Variants in ERBB4 observed in about 807,000 individuals in gnomAD.
ERBB4 encodes the protein receptor tyrosine-protein kinase erbB-4.
In ERBB4, 42 loss-of-function variants were observed where a neutral mutation model predicts 158.0. The observed-to-expected ratio is 0.27, with a 90% CI of 0.21 to 0.34. ERBB4 has a LOEUF of 0.34. ERBB4 is among the 10% of genes least tolerant of loss of function. The probability of loss-of-function intolerance (pLI) is 1.00; values close to 1 mark genes in which losing one functional copy is unlikely to be tolerated. For synonymous variants in ERBB4, 583 were observed against 558.7 expected (o/e 1.04, Z -0.61); for missense variants, 1,333 against 1,624.1 (o/e 0.82, Z 3.08).
At chr2:211,531,313 A>G (rs562092518) in intron 20 of ERBB4, among the ~76,000 whole-genome samples, 1 of 152,278 alleles carries the variant, frequency 6.6e-6, no homozygotes, top group African/African-American at 2.4e-5. Context: ...AAAAGGACAC[A>G]TGGGATCACA....
At chr2:211,540,205 T>TACAC (rs143959149) in intron 20 of ERBB4, among the ~76,000 whole-genome samples, 531 of 147,808 alleles carry the variant, frequency 3.6e-3, no homozygotes, top group Non-Finnish European at 5.7e-3. Context: ...TATATATATA[T>TACAC]ACACACACAC....
At chr2:211,494,876 T>C (rs946426336) in intron 20 of ERBB4, among the ~76,000 whole-genome samples, 2 of 152,160 alleles carry the variant, frequency 1.3e-5, no homozygotes, top group East Asian at 3.8e-4. Context: ...GGAAACGAAC[T>C]GTGTTTCCTA....
At chr2:211,843,086 A>G (rs995517819) in intron 3 of ERBB4, among the ~76,000 whole-genome samples, 1 of 152,176 alleles carries the variant, frequency 6.6e-6, no homozygotes, top group African/African-American at 2.4e-5. Context: ...TTTGACTAAC[A>G]TAAGTTCTAT....
At chr2:212,354,027 GCTGTGTT>G (rs1367727444) in intron 1 of ERBB4, among the ~76,000 whole-genome samples, 1 of 152,096 alleles carries the variant, frequency 6.6e-6, no homozygotes, top group African/African-American at 2.4e-5. Context: ...ATAAACCTGT[GCTGTGTT>G]AAGCTTCTGT....
At chr2:212,497,055 G>C (rs1360972583) in intron 1 of ERBB4, among the ~76,000 whole-genome samples, 2 of 151,508 alleles carry the variant, frequency 1.3e-5, no homozygotes, top group Admixed American at 6.6e-5. Context: ...GCATGCGCCT[G>C]TAATCCCAGC....
At chr2:212,134,419 T>G (rs1439945054) in intron 1 of ERBB4, among the ~76,000 whole-genome samples, 1 of 151,978 alleles carries the variant, frequency 6.6e-6, no homozygotes, top group African/African-American at 2.4e-5. Flanking sequence ...AGTTTAAAAA[T>G]TGAAATGAAT....
intron 3 of ERBB4, among the ~76,000 whole-genome samples, chr2:211,910,442 G>A (rs1294813058): frequency 6.7e-6 from 1 of 149,952 alleles, no homozygotes; most frequent in Non-Finnish European, 1.5e-5. Flanking sequence ...AAAGGAGCTG[G>A]AGGCCATTAT....
intron 2 of ERBB4, among the ~76,000 whole-genome samples, chr2:212,010,428 A>C (rs2076358106): frequency 6.6e-6 from 1 of 152,176 alleles, no homozygotes; most frequent in African/African-American, 2.4e-5. Flanking sequence ...TTTTCTATTA[A>C]GGATTTCAAA....
intron 20 of ERBB4, among the ~76,000 whole-genome samples, chr2:211,523,133 A>G (rs961592473): frequency 1.4e-5 from 2 of 146,716 alleles, no homozygotes; most frequent in Non-Finnish European, 3.0e-5. Context: ...ACAGTACCCC[A>G]CATAGGAACA....
chr2:211,392,594 ACACACACC>A lies in ERBB4; in HGVS notation c.3136-4610_3136-4603del, dbSNP rs1189526129. On this transcript the variant is annotated intron_variant, in intron 25 of 27. Transcript: ENST00000342788. ...CACACACACACACACACACACACACACACACACCCCAATAATGACTCTATGATCCAGTT... is the reference window on the plus strand; with the variant it reads ...CACACACACACACACACACACACACACCAATAATGACTCTATGATCCAGTT... Among the ~76,000 whole-genome samples, 35 of 142,942 alleles carry A rather than the reference ACACACACC, an allele frequency of 2.4e-4. No homozygotes were observed. In the South Asian group the frequency reaches 5.8e-3, roughly 24 times the overall value. The allele number at this position is 142,942 out of a possible 152,430, so 93.8% of individuals were successfully genotyped here.
chr2:212,405,186 C>T lies in ERBB4; in HGVS notation c.82+133263G>A, dbSNP rs138711199. 4.9e-3 allele frequency among the ~76,000 whole-genome samples: 743 copies of T among 151,996 alleles called. 3 individuals are homozygous for T. Among genetic ancestry groups the T allele is most frequent in the African/African-American group, 0.017 (701 of 41,480 alleles). ...TTAAAAATTGGGCAAAGGACATGAA[C>T]AGACACTTTTCAAAAGAAGACATAC... On this transcript the variant is annotated intron_variant, in intron 1 of 27. Transcript: ENST00000342788.
chr2:211,762,741 C>T (rs2075446956), intron 4 of ERBB4, among the ~76,000 whole-genome samples: 1 of 152,162 alleles, frequency 6.6e-6, no homozygotes, highest in South Asian at 2.1e-4. Flanking sequence ...ATTTACTGCT[C>T]TCAAAGGACA....
intron 2 of ERBB4, among the ~76,000 whole-genome samples, chr2:212,091,771 A>AT (rs1348261973): frequency 6.6e-6 from 1 of 152,248 alleles, no homozygotes; most frequent in South Asian, 2.1e-4. Flanking sequence ...TTTTAAAATT[A>AT]TTTTTTGTCT....
At chr2:212,100,700 A>C (rs1026634981) in intron 2 of ERBB4, among the ~76,000 whole-genome samples, 2 of 152,174 alleles carry the variant, frequency 1.3e-5, no homozygotes, top group African/African-American at 4.8e-5. Context: ...GAATGAAATA[A>C]ACGAAGTGAC....
At chr2:212,031,030 T>G (rs573600521) in intron 2 of ERBB4, among the ~76,000 whole-genome samples, 1 of 152,142 alleles carries the variant, frequency 6.6e-6, no homozygotes, top group East Asian at 1.9e-4. Flanking sequence ...TTCTGCCTCA[T>G]GAAACTCACT....
At chr2:212,305,776 A>G (rs1366733572) in intron 1 of ERBB4, among the ~76,000 whole-genome samples, 1 of 151,470 alleles carries the variant, frequency 6.6e-6, no homozygotes, top group Non-Finnish European at 1.5e-5. Flanking sequence ...CAACATTTAC[A>G]TAATTATAGA....
At chr2:211,923,571 C>A (rs1575383317) in intron 3 of ERBB4, among the ~76,000 whole-genome samples, 1 of 152,018 alleles carries the variant, frequency 6.6e-6, no homozygotes, top group African/African-American at 2.4e-5. Flanking sequence ...CCTTGTGCTG[C>A]CTTGCTGAGT....
At chr2:211,541,715 C>T (rs956264873) in intron 20 of ERBB4, among the ~76,000 whole-genome samples, 9 of 151,976 alleles carry the variant, frequency 5.9e-5, no homozygotes, top group Non-Finnish European at 1.2e-4. Flanking sequence ...CTTTTCTACA[C>T]TAGTTTGTTC....
chr2:212,505,288 G>A (rs372919093), intron 1 of ERBB4, among the ~76,000 whole-genome samples: 22 of 152,080 alleles, frequency 1.4e-4, no homozygotes, highest in African/African-American at 3.9e-4. Flanking sequence ...GTAGAGACAG[G>A]GTTTCACTGT....
Sources: allele counts gnomAD v4.1 joint callset (sites outside exome capture counted in the v4.1 genomes callset), GRCh38; gene constraint gnomAD v4.1.1; transcripts MANE v1.5; gene names NCBI Gene and HGNC (gene_info 2026-07-23, HGNC 2026-07-21).